GAP43: variants seen among roughly 807,000 people sequenced by gnomAD.
GAP43 encodes growth associated protein 43.
Under a neutral mutation model 18.6 loss-of-function variants are expected in GAP43, and 6 were observed. The observed-to-expected ratio is 0.32, with a 90% CI of 0.18 to 0.64. The LOEUF (loss-of-function observed/expected upper bound fraction) is 0.64. Among genes scored for constraint, GAP43 ranks in the 30% least tolerant of loss-of-function variants. The probability of loss-of-function intolerance (pLI) is 0.78; values close to 1 mark genes in which losing one functional copy is unlikely to be tolerated. For missense variants in GAP43, 292 were observed against 295.5 expected (o/e 0.99, Z 0.09); for synonymous variants, 115 against 111.4 (o/e 1.03, Z -0.20).
intron 1 of GAP43, among the ~76,000 whole-genome samples, chr3:115,674,003 T>A (rs1320436604): frequency 6.6e-6 from 1 of 152,194 alleles, no homozygotes; most frequent in Admixed American, 6.5e-5. Flanking sequence ...CAGCAATAGG[T>A]CTGTACGCTT....
intron 1 of GAP43, among the ~76,000 whole-genome samples, chr3:115,651,124 G>GA (rs1202251905): frequency 6.6e-6 from 1 of 151,876 alleles, no homozygotes; most frequent in Non-Finnish European, 1.5e-5. Context: ...ACCCTGTCTG[G>GA]AAAAAAACAA....
chr3:115,713,837 A>T (rs930798451), intron 2 of GAP43, among the ~76,000 whole-genome samples: 2 of 152,190 alleles, frequency 1.3e-5, no homozygotes, highest in African/African-American at 4.8e-5. Flanking sequence ...GATCTTTCTT[A>T]GGAATTGTGG....
chr3:115,687,864 G>GCTAA (rs1438741198), intron 2 of GAP43, among the ~76,000 whole-genome samples: 2 of 152,136 alleles, frequency 1.3e-5, no homozygotes, highest in Middle Eastern at 3.4e-3. Flanking sequence ...CATCTTTTCA[G>GCTAA]GCAGGCATCC....
intron 2 of GAP43, among the ~76,000 whole-genome samples, chr3:115,688,882 A>G (rs1709067994): frequency 6.6e-6 from 1 of 152,176 alleles, no homozygotes; most frequent in South Asian, 2.1e-4. Flanking sequence ...ACTTTTTGCA[A>G]TCTGAATACA....
At chr3:115,719,448 C>G (rs11925261) in intron 2 of GAP43, among the ~76,000 whole-genome samples, 1 of 152,108 alleles carries the variant, frequency 6.6e-6, no homozygotes, top group African/African-American at 2.4e-5. Context: ...GTGGTTTATG[C>G]TGAACATCTA....
At chr3:115,623,889 T>A (rs1000990583) in intron 1 of GAP43, among the ~76,000 whole-genome samples, 170 bp downstream of exon 1, 1 of 152,204 alleles carries the variant, frequency 6.6e-6, no homozygotes, top group African/African-American at 2.4e-5. Context: ...TTTCTGTCTT[T>A]CATGCTCTGG....
intron 1 of GAP43, chr3:115,661,146 T>G (rs1708653330): frequency 6.6e-6 from 1 of 152,192 alleles, no homozygotes; most frequent in African/African-American, 2.4e-5. Flanking sequence ...TGTTTTTCCT[T>G]CCACAAGTGT....
chr3:115,689,313 T>A (rs950146946), intron 2 of GAP43, among the ~76,000 whole-genome samples: 1 of 152,192 alleles, frequency 6.6e-6, no homozygotes, highest in Non-Finnish European at 1.5e-5. Flanking sequence ...GACTTTTCAT[T>A]TCTTGAAGGC....
chr3:115,683,585 G>A (rs1470396660), intron 2 of GAP43, among the ~76,000 whole-genome samples: 3 of 105,570 alleles, frequency 2.8e-5, no homozygotes, highest in Non-Finnish European at 6.1e-5. Context: ...CCTATAGACA[G>A]CCATAATTTG....
intron 1 of GAP43, among the ~76,000 whole-genome samples, chr3:115,660,308 A>AT (rs1464707373): frequency 5.3e-5 from 8 of 152,238 alleles, no homozygotes; most frequent in African/African-American, 1.9e-4. Flanking sequence ...CTATAATTAT[A>AT]TACCTATAAA....
At chr3:115,714,934 C>T (rs1003740962) in intron 2 of GAP43, among the ~76,000 whole-genome samples, 1 of 151,922 alleles carries the variant, frequency 6.6e-6, no homozygotes, top group Non-Finnish European at 1.5e-5. Context: ...TAATAAAATA[C>T]CATAAACTAG....
In GAP43 at chr3:115,683,137, GCGCGCGCGCGCA is replaced by G. The variant is rs1345912409; in HGVS notation, c.628+6529_628+6540del. On this transcript the variant is annotated intron_variant, in intron 2 of 2. Coordinates refer to ENST00000305124, the MANE Select transcript of GAP43 (RefSeq NM_002045.4). ...TCTACATACATGTGCGCGCGCGTGC[GCGCGCGCGCGCA>G]CACACACACACACACACACACACAC... is the stretch of plus-strand genomic sequence containing the variant. Among the ~76,000 whole-genome samples, 63 of 123,418 alleles carry G rather than the reference GCGCGCGCGCGCA, an allele frequency of 5.1e-4. 1 individual carries two copies. The highest frequency in any genetic ancestry group is 2.0e-3 in the African/African-American group (61 of 31,168). The allele number at this position is 123,418 out of a possible 152,430, so 81.0% of individuals were successfully genotyped here. A position where few individuals can be genotyped will look rare whatever the true frequency, so the allele number is the denominator to read the frequency against.
At chr3:115,683,134 T>TGCGC (rs1221666580) in intron 2 of GAP43, among the ~76,000 whole-genome samples, 5 of 105,614 alleles carry the variant, frequency 4.7e-5, no homozygotes, top group African/African-American at 1.5e-4. Context: ...TGCGCGCGCG[T>TGCGC]GCGCGCGCGC....
intron 2 of GAP43, among the ~76,000 whole-genome samples, chr3:115,697,005 ATTTTGTAT>A (rs1709200530): frequency 6.6e-6 from 1 of 151,136 alleles, no homozygotes; most frequent in African/African-American, 2.4e-5. Flanking sequence ...AAATTTTGTA[ATTTTGTAT>A]TTTTGTATTT....
At chr3:115,718,853 G>T (rs1709542633) in intron 2 of GAP43, among the ~76,000 whole-genome samples, 1 of 152,156 alleles carries the variant, frequency 6.6e-6, no homozygotes, top group African/African-American at 2.4e-5. Context: ...GTATTTCAGA[G>T]AAGAAATTCC....
intron 1 of GAP43, among the ~76,000 whole-genome samples, chr3:115,646,602 A>G (rs749955155): frequency 6.6e-6 from 1 of 152,064 alleles, no homozygotes. Flanking sequence ...CTGAAGAAAT[A>G]GAGGAAAGCA....
At chr3:115,665,928 T>A (rs1268399417) in intron 1 of GAP43, among the ~76,000 whole-genome samples, 1 of 151,896 alleles carries the variant, frequency 6.6e-6, no homozygotes, top group African/African-American at 2.4e-5. Context: ...TTTTACTAGA[T>A]GTGTGAGGGA....
intron 2 of GAP43, among the ~76,000 whole-genome samples, chr3:115,696,357 A>G (rs1333879050): frequency 9.9e-5 from 15 of 152,000 alleles, no homozygotes; most frequent in Admixed American, 7.9e-4. Flanking sequence ...TAAATCTATG[A>G]GCAAGTCTTA....
At chr3:115,688,081 A>G (rs1461300293) in intron 2 of GAP43, among the ~76,000 whole-genome samples, 1 of 151,988 alleles carries the variant, frequency 6.6e-6, no homozygotes, top group Non-Finnish European at 1.5e-5. Flanking sequence ...CAGTGGTGCA[A>G]TCTTGGCTCA....
Sources: allele counts gnomAD v4.1 joint callset (sites outside exome capture counted in the v4.1 genomes callset), GRCh38; gene constraint gnomAD v4.1.1; transcripts MANE v1.5; gene names NCBI Gene and HGNC (gene_info 2026-07-23, HGNC 2026-07-21).